Variants in ABCB5 observed in about 807,000 individuals in gnomAD.
The protein encoded by ABCB5 is ATP binding cassette subfamily B member 5.
Under a neutral mutation model 144.2 loss-of-function variants are expected in ABCB5, and 155 were observed. The ratio of observed to expected loss-of-function variants is 1.08; its 90% CI spans 0.94 to 1.23. The LOEUF is 1.23. Ranked by LOEUF, ABCB5 falls within the 50% of genes most tolerant of loss-of-function variation. The pLI is 0.00. For missense variants in ABCB5, 1,830 were observed against 1,520.8 expected (o/e 1.20, Z -3.38); for synonymous variants, 610 against 528.6 (o/e 1.15, Z -2.11).
intron 24 of ABCB5, 101 bp from the exon 25 acceptor site, chr7:20,742,775 TG>T: frequency 8.5e-7 from 1 of 1,180,252 alleles, no homozygotes; most frequent in Non-Finnish European, 1.2e-6. Context: ...AAAAGGGCTC[TG>T]GAAACATGCA....
At chr7:20,706,316 T>C (rs1237616662) in intron 20 of ABCB5, among the ~76,000 whole-genome samples, 1 of 152,248 alleles carries the variant, frequency 6.6e-6, no homozygotes, top group Non-Finnish European at 1.5e-5. Context: ...TTACTACTTA[T>C]ATTTCAAATC....
intron 26 of ABCB5, among the ~76,000 whole-genome samples, chr7:20,748,435 T>C (rs1302815788): frequency 3.1e-5 from 2 of 63,962 alleles, no homozygotes; most frequent in South Asian, 4.0e-4. Flanking sequence ...GGATTACCTA[T>C]GGTCAGGAGT....
chr7:20,648,569 G>A (rs1209465791), intron 11 of ABCB5, among the ~76,000 whole-genome samples: 1 of 152,008 alleles, frequency 6.6e-6, no homozygotes, highest in African/African-American at 2.4e-5. Flanking sequence ...TTCAGTCTTT[G>A]ACAAGTTCTT....
At chr7:20,623,553 G>C (rs1434250559) in intron 2 of ABCB5, among the ~76,000 whole-genome samples, 2 of 152,058 alleles carry the variant, frequency 1.3e-5, no homozygotes, top group Non-Finnish European at 2.9e-5. Flanking sequence ...ATTTATCCAG[G>C]ATTTATTGAT....
intron 20 of ABCB5, among the ~76,000 whole-genome samples, chr7:20,718,036 G>C (rs1474934200): frequency 6.7e-6 from 1 of 149,716 alleles, no homozygotes; most frequent in Non-Finnish European, 1.5e-5. Flanking sequence ...TGAGTAGCTG[G>C]GACTACAGGC....
chr7:20,745,680 T>C (rs987405545), intron 26 of ABCB5, among the ~76,000 whole-genome samples: 1 of 152,012 alleles, frequency 6.6e-6, no homozygotes, highest in Admixed American at 6.6e-5. Context: ...ATTTTGTTAT[T>C]TGCCTTCCAT....
intron 14 of ABCB5, among the ~76,000 whole-genome samples, chr7:20,668,456 G>T (rs1168372653): frequency 1.3e-5 from 2 of 151,234 alleles, no homozygotes; most frequent in African/African-American, 4.9e-5. Flanking sequence ...CGGCCGCCCC[G>T]TCTGAGAAGC....
intron 23 of ABCB5, among the ~76,000 whole-genome samples, chr7:20,729,386 T>A (rs1298810992): frequency 6.6e-6 from 1 of 152,196 alleles, no homozygotes; most frequent in African/African-American, 2.4e-5. Flanking sequence ...TCAGTGAGGA[T>A]GAATTATTTG....
rs1338487057 is a variant in ABCB5 at position 20,716,676 on chromosome 7, AGGAATGG to A, written c.2422-6338_2422-6332del. The stretch of plus-strand genomic sequence containing the variant: ...CAATTCAAAAGACCATAGTAAGGAG[AGGAATGG>A]GCCTGGAAAAGAGGAAAAGTTATTC... On this transcript the variant is annotated intron_variant, in intron 20 of 27. Transcript: ENST00000404938. Among the ~76,000 whole-genome samples, 14 of 152,324 alleles carry A rather than the reference AGGAATGG, an allele frequency of 9.2e-5. No individual in the cohort carries two copies. In the East Asian group the frequency reaches 2.7e-3, roughly 29 times the overall value.
intron 7 of ABCB5, 78 bp from the exon 8 acceptor site, chr7:20,645,678 A>C (rs1784386766): frequency 1.3e-6 from 2 of 1,530,456 alleles, no homozygotes; most frequent in African/African-American, 1.4e-5. Context: ...TTAGAATTCA[A>C]ATTCTGCCTG....
chr7:20,630,074 AC>A (rs35608196), intron 4 of ABCB5, among the ~76,000 whole-genome samples: 36,618 of 151,978 alleles, frequency 0.24, 5,169 homozygotes, highest in African/African-American at 0.4. Context: ...TTTCAAGGTG[AC>A]ATTATTCTTT....
At chr7:20,652,185 T>C (rs562912635) in intron 13 of ABCB5, among the ~76,000 whole-genome samples, 2 of 152,348 alleles carry the variant, frequency 1.3e-5, no homozygotes, top group Admixed American at 6.5e-5. Context: ...GGGAAAGTCA[T>C]ACACACAATG....
intron 5 of ABCB5, among the ~76,000 whole-genome samples, chr7:20,642,526 ATT>A (rs928957520): frequency 6.6e-6 from 1 of 150,858 alleles, no homozygotes; most frequent in Non-Finnish European, 1.5e-5. Context: ...AGAAAAACCT[ATT>A]TTTTTTTCTC....
chr7:20,686,054 GA>G (rs1438570866), intron 16 of ABCB5, among the ~76,000 whole-genome samples: 2 of 151,244 alleles, frequency 1.3e-5, no homozygotes, highest in East Asian at 3.9e-4. Flanking sequence ...CTTTATTGGG[GA>G]AAAAAAAATC....
intron 26 of ABCB5, among the ~76,000 whole-genome samples, chr7:20,746,256 C>G (rs1421975599): frequency 6.6e-6 from 1 of 152,164 alleles, no homozygotes; most frequent in Non-Finnish European, 1.5e-5. Context: ...TGCCATCACG[C>G]CCGGCTAATT....
intron 16 of ABCB5, among the ~76,000 whole-genome samples, chr7:20,691,939 T>C (rs1786245363): frequency 6.6e-6 from 1 of 151,862 alleles, no homozygotes; most frequent in Non-Finnish European, 1.5e-5. Context: ...GTACCCAAAA[T>C]GAAGAGAAAA....
Position 20,727,064 on chromosome 7 carries a change from A to G in ABCB5, c.2650A>G (p.Ile884Val), listed in dbSNP as rs764910734. 2 of 1,613,104 alleles carry G rather than the reference A, an allele frequency of 1.2e-6. No homozygotes were observed. Among genetic ancestry groups the G allele is most frequent in the Non-Finnish European group, 1.7e-6 (2 of 1,179,516 alleles). ...GKIATEALENIRTIVSLTREK... is the reference protein window; with the variant it reads ...GKIATEALENVRTIVSLTREK... Reference sequence around the variant, plus strand: ...GATAGCAACTGAAGCTTTGGAGAATATACGTACTATAGTGTCATTAACAAG... The same window carrying G: ...GATAGCAACTGAAGCTTTGGAGAATGTACGTACTATAGTGTCATTAACAAG... Residue 884 changes from isoleucine to valine, a missense_variant, in exon 22 of 28, where the codon ATA becomes GTA. Physicochemically the swap from Ile to Val is conservative, Grantham distance 29. Transcript: ENST00000404938.
intron 5 of ABCB5, among the ~76,000 whole-genome samples, chr7:20,636,831 A>T (rs1010765194): frequency 1.3e-5 from 2 of 151,374 alleles, no homozygotes; most frequent in African/African-American, 4.8e-5. Context: ...TATAATATTC[A>T]GTACATTATT....
At chr7:20,664,160 A>G (rs7801455) in intron 14 of ABCB5, among the ~76,000 whole-genome samples, 61,824 of 152,004 alleles carry the variant, frequency 0.41, 14,150 homozygotes, top group African/African-American at 0.64. Flanking sequence ...CAGAAGGATC[A>G]TACCCTTTAA....
Sources: gnomAD v4.1 joint callset for allele counts (sites outside exome capture counted in the v4.1 genomes callset) on GRCh38, gnomAD v4.1.1 for gene constraint, MANE v1.5 for transcripts, NCBI Gene and HGNC (gene_info 2026-07-23, HGNC 2026-07-21) for gene names.